The following PCIF1 variants were observed in gnomAD, a reference collection of about 807,000 sequenced individuals.
The protein encoded by PCIF1 is phosphorylated CTD interacting factor 1.
A neutral mutation model predicts 86.9 loss-of-function variants in PCIF1; 12 were observed. The ratio of observed to expected loss-of-function variants is 0.14; its 90% CI spans 0.09 to 0.22. PCIF1 has a LOEUF of 0.22. Ranked by LOEUF, PCIF1 falls within the 10% of genes least tolerant of loss-of-function variation. The pLI is 1.00. For synonymous variants in PCIF1, 397 were observed against 372.0 expected, an observed-to-expected ratio of 1.07 and a Z score of -0.77; for missense variants, 701 against 951.1, an observed-to-expected ratio of 0.74 and a Z score of 3.46.
intron 1 of PCIF1, among the ~76,000 whole-genome samples, chr20:45,935,221 CCT>C (rs2083411743): frequency 1.3e-5 from 2 of 151,680 alleles, no homozygotes; most frequent in South Asian, 2.1e-4. Context: ...CTGGAGCTCG[CCT>C]CTCGCCTTCG....
chr20:45,937,568 C>A lies in PCIF1; in HGVS notation c.-37C>A, dbSNP rs533074915. 3 of 398,978 alleles carry A rather than the reference C, an allele frequency of 7.5e-6. No individual in the cohort carries two copies. The East Asian group carries it at 1.1e-4, about 14-fold the overall frequency. 24.7% of individuals were successfully genotyped at this position (398,978 alleles called of 1,614,324 possible). On this transcript the variant is annotated 5_prime_UTR_variant, in exon 2 of 17. Transcript: ENST00000372409. The stretch of plus-strand genomic sequence containing the variant: ...GGAGAAGAAAAGCCTCTCATGCTAA[C>A]GTTGCAGACCCCAGAGGGTGAGAGA...
In PCIF1 at chr20:45,944,624, G is replaced by A. The variant is rs188474914; in HGVS notation, c.1006-244G>A. On this transcript the variant is annotated intron_variant, in intron 10 of 16. Transcript: ENST00000372409. Reference sequence around the variant, plus strand: ...TTACTGTATGCCAGGCATTTGGCAAGCCCTTAAGGGAAATGATCACATTTA... The same window carrying A: ...TTACTGTATGCCAGGCATTTGGCAAACCCTTAAGGGAAATGATCACATTTA... 5.5e-3 allele frequency among the ~76,000 whole-genome samples: 841 copies of A among 152,350 alleles called. 9 individuals are homozygous for A. Among genetic ancestry groups the A allele is most frequent in the African/African-American group, 0.019 (788 of 41,590 alleles).
At position 45,947,960 on chromosome 20, in the gene PCIF1, C is replaced by A; in HGVS notation, c.*205C>A. The A allele has an allele frequency of 6.5e-7, 1 of 1,531,364 alleles. No homozygotes were observed. 94.9% of individuals were successfully genotyped at this position (1,531,364 alleles called of 1,614,324 possible). ...ATAGGTCCTGATGCCTTCCCAACCCCGCCCCTCACCCTGTTGCCACCTTGT... is the reference window on the plus strand; with the variant it reads ...ATAGGTCCTGATGCCTTCCCAACCCAGCCCCTCACCCTGTTGCCACCTTGT... On this transcript the variant is annotated 3_prime_UTR_variant, in exon 17 of 17. Coordinates refer to ENST00000372409, the MANE Select transcript of PCIF1 (RefSeq NM_022104.4). This position sits in a 1 kb window ranked among gnomAD's most constrained non-coding sequence, Gnocchi z 5.4.
rs2083498204 is a variant in PCIF1, at chr20:45,943,879, G to T, written c.1005+114G>T. 1.3e-6 allele frequency: 1 copy of T among 770,576 alleles called. No individual in the cohort carries two copies. The highest frequency in any genetic ancestry group is 2.1e-6 in the Non-Finnish European group (1 of 468,900). The allele number at this position is 770,576 out of a possible 1,614,324, so 47.7% of individuals were successfully genotyped here. ...AGGCCTCCCCCAGCGGCCTATTCTT[G>T]TGCAGTATGGCAGACGTTCGACATT... On this transcript the variant is annotated intron_variant, in intron 10 of 16. Coordinates refer to ENST00000372409, the MANE Select transcript of PCIF1 (RefSeq NM_022104.4). The surrounding 1 kb of genome is among the most constrained non-coding windows in gnomAD (Gnocchi z 5.5).
At position 45,945,033 on chromosome 20, in the gene PCIF1, A is replaced by G. The variant is rs964579966; in HGVS notation, c.1168+3A>G. 8 of 1,604,230 alleles carry G rather than the reference A, an allele frequency of 5.0e-6. No individual in the cohort carries two copies. Among genetic ancestry groups the G allele is most frequent in the Non-Finnish European group, 6.0e-6 (7 of 1,175,530 alleles). ...CCTCAAGGAAAACAACATCTCAGGTAGGGGAAAGGTGAAGGAGGAGCCAGC... is the reference window on the plus strand; with the variant it reads ...CCTCAAGGAAAACAACATCTCAGGTGGGGGAAAGGTGAAGGAGGAGCCAGC... On this transcript the variant is annotated splice_donor_region_variant and intron_variant, in intron 11 of 16. Transcript: ENST00000372409.
chr20:45,936,520 C>G (rs1030608175), intron 1 of PCIF1, among the ~76,000 whole-genome samples: 1 of 151,574 alleles, frequency 6.6e-6, no homozygotes, highest in Non-Finnish European at 1.5e-5. Context: ...AGGTCTTGCC[C>G]TGTCACCCAG....
Position 45,947,350 on chromosome 20 carries a change from A to G in PCIF1, c.1795A>G (p.Met599Val), listed in dbSNP as rs753691736. The G allele has an allele frequency of 3.1e-6, 5 of 1,613,954 alleles. No individual in the cohort carries two copies. Among genetic ancestry groups the G allele is most frequent in the Admixed American group, 3.3e-5 (2 of 60,018 alleles). The change falls in exon 16 of 17, where the codon ATG becomes GTG. Residue 599 changes from methionine to valine, a missense_variant. Met to Val is a conservative substitution (Grantham distance 21). Transcript: ENST00000372409. The surrounding 1 kb of genome is among the most constrained non-coding windows in gnomAD (Gnocchi z 5.4). ...ACCCCCAACACCAGCGCTCACCCGC[A>G]TGGAGCAGAGCCGCTTCAAACGCCA... ...REPPTPALTR[M>V]EQSRFKRHQL...
chr20:45,946,750 A>G (rs767425695), intron 14 of PCIF1, among the ~76,000 whole-genome samples: 1 of 152,178 alleles, frequency 6.6e-6, no homozygotes, highest in Non-Finnish European at 1.5e-5. Context: ...TGTCTCCAGA[A>G]GGAAGAATGG....
chr20:45,945,091 G>C (rs1485305111), intron 11 of PCIF1, 61 bp downstream of exon 11: 3 of 1,500,024 alleles, frequency 2.0e-6, no homozygotes, highest in Non-Finnish European at 2.7e-6. Flanking sequence ...CCTGATGGAA[G>C]GGACAAGTGA....
chr20:45,941,171 C>T lies in PCIF1; in HGVS notation c.637C>T (p.Arg213Trp), dbSNP rs1402916554. Residue 213 changes from arginine to tryptophan, a missense_variant, in exon 7 of 17, where the codon CGG (arginine) becomes TGG (tryptophan). This residue lies in a region of PCIF1 where 129 missense variants were observed against 245.9 expected (regional missense o/e 0.52). Transcript: ENST00000372409. ...CCGCTCTCAGCTCATCCTGAAGCTT[C>T]GGCAGCACTATCGGGAGCTGTGCCA... Reference protein sequence around the residue: ...LLRSQLILKLRQHYRELCQQR... With the variant: ...LLRSQLILKLWQHYRELCQQR... 1.9e-6 allele frequency: 3 copies of T among 1,613,706 alleles called. No homozygotes were observed. Among genetic ancestry groups the T allele is most frequent in the South Asian group, 1.1e-5 (1 of 91,012 alleles).
rs941438450 is a variant in PCIF1, at chr20:45,943,611, A to T, written c.906-55A>T. The stretch of plus-strand genomic sequence containing the variant: ...TACCCAGCGAGCCCATGGAATTGGG[A>T]TGAGGAGGGTGGAGCCAAGCCATTC... On this transcript the variant is annotated intron_variant, in intron 9 of 16. Transcript: ENST00000372409. This position sits in a 1 kb window ranked among gnomAD's most constrained non-coding sequence, Gnocchi z 5.5. 6 of 1,498,732 alleles carry T rather than the reference A, an allele frequency of 4.0e-6. No homozygotes were observed. The African/African-American group carries it at 8.3e-5, about 21-fold the overall frequency. The allele number at this position is 1,498,732 out of a possible 1,614,324, so 92.8% of individuals were successfully genotyped here.
chr20:45,940,695 T>C, intron 5 of PCIF1, 83 bp downstream of exon 5: 1 of 1,571,480 alleles, frequency 6.4e-7, no homozygotes, highest in Non-Finnish European at 8.6e-7. Flanking sequence ...GGCTGGGCAT[T>C]GGCAGGCCAG....
intron 1 of PCIF1, among the ~76,000 whole-genome samples, chr20:45,935,961 A>G (rs932009048): frequency 1.3e-5 from 2 of 152,160 alleles, no homozygotes; most frequent in Non-Finnish European, 2.9e-5. Context: ...CCGGTGCATC[A>G]ATATCACAGG....
In PCIF1 at chr20:45,947,766, G is replaced by A. The variant is rs373792855; in HGVS notation, c.*11G>A. Reference sequence around the variant, plus strand: ...CCTCACCCCACTTAACATATCCTGCGGGGAGGAGGAGCCCCAGGGGTGCTA... The same window carrying A: ...CCTCACCCCACTTAACATATCCTGCAGGGAGGAGGAGCCCCAGGGGTGCTA... On this transcript the variant is annotated 3_prime_UTR_variant, in exon 17 of 17. Transcript: ENST00000372409. The surrounding 1 kb of genome is among the most constrained non-coding windows in gnomAD (Gnocchi z 5.4). 2.2e-5 allele frequency: 35 copies of A among 1,591,992 alleles called. No individual in the cohort carries two copies. The African/African-American group carries it at 2.7e-4, about 12-fold the overall frequency.
At chr20:45,942,762 ATTTC>A (rs2083485082) in intron 7 of PCIF1, among the ~76,000 whole-genome samples, 1 of 100,812 alleles carries the variant, frequency 9.9e-6, no homozygotes, top group African/African-American at 3.7e-5. Flanking sequence ...CACCCAGCTA[ATTTC>A]TTTTTTTTTT....
At chr20:45,941,647 T>TG (rs1279620554) in intron 7 of PCIF1, among the ~76,000 whole-genome samples, 2 of 151,938 alleles carry the variant, frequency 1.3e-5, no homozygotes, top group Admixed American at 6.6e-5. Context: ...TTAATAGAGA[T>TG]GGGGGTGTCA....
At position 45,946,063 on chromosome 20, in the gene PCIF1, C is replaced by T. The variant is rs764873141; in HGVS notation, c.1376C>T (p.Ser459Phe). 2 of 1,614,082 alleles carry T rather than the reference C, an allele frequency of 1.2e-6. No homozygotes were observed. The highest frequency in any genetic ancestry group is 2.2e-5 in the East Asian group (1 of 44,898). The change falls in exon 13 of 17, where the codon TCT becomes TTT. Residue 459 changes from serine to phenylalanine, a missense_variant. Physicochemically the swap from Ser to Phe is radical, Grantham distance 155. This residue lies in a region of PCIF1 where 121 missense variants were observed against 131.7 expected (regional missense o/e 0.92). Coordinates refer to ENST00000372409, the MANE Select transcript of PCIF1 (RefSeq NM_022104.4). Reference protein sequence around the residue: ...LLYRYSCIDDSAFERFLPRVW... With the variant: ...LLYRYSCIDDFAFERFLPRVW... ...TACCGCTACAGCTGCATTGATGACT[C>T]TGCCTTTGAGAGGTTCCTGCCCCGG...
At chr20:45,944,547 A>G (rs2083503812) in intron 10 of PCIF1, among the ~76,000 whole-genome samples, 1 of 152,368 alleles carries the variant, frequency 6.6e-6, no homozygotes, top group African/African-American at 2.4e-5. Context: ...GGTAATTATC[A>G]TGGGATCTAG....
Position 45,946,332 on chromosome 20 carries a change from C to G in PCIF1, c.1561C>G (p.Arg521Gly). 1 of 1,614,112 alleles carries G rather than the reference C, an allele frequency of 6.2e-7. No individual in the cohort carries two copies. Among genetic ancestry groups the G allele is most frequent in the Non-Finnish European group, 8.5e-7 (1 of 1,180,042 alleles). The change falls in exon 14 of 17, where the codon CGC becomes GGC. Residue 521 changes from arginine to glycine, a missense_variant. Arg to Gly is a moderately radical substitution (Grantham distance 125). Transcript: ENST00000372409. ...CGCCTCACCCCTCAACTGCTACTTC[C>G]GCCAGTACTGTTCTGCCTTCCCCGA... Reference protein sequence around the residue: ...CFASPLNCYFRQYCSAFPDTD... With the variant: ...CFASPLNCYFGQYCSAFPDTD...
Sources: allele counts gnomAD v4.1 joint callset (sites outside exome capture counted in the v4.1 genomes callset), GRCh38; gene constraint gnomAD v4.1.1; regional missense constraint gnomAD v4.1.1; non-coding constraint Gnocchi (gnomAD v3.1); transcripts MANE v1.5; gene names NCBI Gene and HGNC (gene_info 2026-07-23, HGNC 2026-07-21).